AHNAK: variants seen among roughly 807,000 people sequenced by gnomAD.
AHNAK encodes AHNAK nucleoprotein.
AHNAK carries 23 observed loss-of-function variants against 37.8 expected under a neutral mutation model. The observed-to-expected ratio is 0.61, with a 90% confidence interval of 0.44 to 0.86. AHNAK has a LOEUF of 0.86. AHNAK is among the 40% of genes least tolerant of loss of function. AHNAK has a pLI of 0.00. For missense variants in AHNAK, 7,411 were observed against 7,319.4 expected, an observed-to-expected ratio of 1.01 and a Z score of -0.46; for synonymous variants, 2,481 against 2,636.3, an observed-to-expected ratio of 0.94 and a Z score of 1.80.
intron 4 of AHNAK, among the ~76,000 whole-genome samples, chr11:62,496,989 T>C (rs1040126226): frequency 3.3e-5 from 5 of 152,108 alleles, no homozygotes; most frequent in African/African-American, 1.2e-4. Context: ...AGGAATTAAA[T>C]GGTATAAAAT....
At chr11:62,467,337 T>C (rs1363392057) in intron 5 of AHNAK, among the ~76,000 whole-genome samples, 1 of 152,150 alleles carries the variant, frequency 6.6e-6, no homozygotes, top group East Asian at 1.9e-4. Context: ...GTATACCCTA[T>C]AAATGCCTTA....
Position 62,532,710 on chromosome 11 carries a change from G to A in AHNAK, c.1707C>T (p.Ile569=). Residue 569 remains isoleucine (I), a synonymous_variant, in exon 5 of 5, where the codon ATC becomes ATT. Transcript: ENST00000378024. Reference sequence around the variant, plus strand: ...CATTTAAGTCTACTTCTGACATAGAGATCCTACAGGTTCCGGTTTTCCCGG... The same window carrying A: ...CATTTAAGTCTACTTCTGACATAGAAATCCTACAGGTTCCGGTTTTCCCGG... ...SPSGKTGTCR[I]SMSEVDLNVA... The A allele has an allele frequency of 1.2e-6, 2 of 1,613,962 alleles. No homozygotes were observed. The highest frequency in any genetic ancestry group is 1.7e-6 in the Non-Finnish European group (2 of 1,179,978).
intron 5 of AHNAK, among the ~76,000 whole-genome samples, chr11:62,486,261 G>A (rs900943920): frequency 2.0e-5 from 3 of 151,900 alleles, no homozygotes; most frequent in South Asian, 2.1e-4. Context: ...GATCACCTGC[G>A]GTCAGGAGTT....
chr11:62,488,411 T>C (rs1939436398), intron 5 of AHNAK, among the ~76,000 whole-genome samples: 1 of 151,812 alleles, frequency 6.6e-6, no homozygotes, highest in South Asian at 2.1e-4. Flanking sequence ...GCTTTTTTTT[T>C]TTTTTCCAAG....
chr11:62,519,757 C>T lies in AHNAK; in HGVS notation c.14660G>A (p.Gly4887Asp). Residue 4887 changes from glycine to aspartate, a missense_variant, in exon 5 of 5, where the codon GGT (glycine) becomes GAT (aspartate). By Grantham distance (94) the Gly-to-Asp change is moderately conservative (BLOSUM62 -1). Transcript: ENST00000378024. The stretch of plus-strand genomic sequence containing the variant: ...AGGGCCTTCGAAATCCAGACGTGGA[C>T]CTTTAAGATCTACTTCTGGGCCTTT... Reference protein sequence around the residue: ...TLKGPEVDLKGPRLDFEGPDA... With the variant: ...TLKGPEVDLKDPRLDFEGPDA... The T allele has an allele frequency of 6.2e-7, 1 of 1,613,124 alleles. No homozygotes were observed. The highest frequency in any genetic ancestry group is 8.5e-7 in the Non-Finnish European group (1 of 1,179,524).
At position 62,532,960 on chromosome 11, in the gene AHNAK, G is replaced by A; in HGVS notation, c.1457C>T (p.Thr486Ile). The change falls in exon 5 of 5, where the codon ACT becomes ATT. Residue 486 changes from threonine (T) to isoleucine (I), a missense_variant. Transcript: ENST00000378024. ...AATCATTTCAGGAGTCTTCACTTTA[G>A]TACCTTTCATCTTTCCTTCCAGCCC... is the stretch of plus-strand genomic sequence containing the variant. ...TGGLEGKMKG[T>I]KVKTPEMIIQ... 3.1e-6 allele frequency: 5 copies of A among 1,614,122 alleles called. No individual in the cohort carries two copies. Among genetic ancestry groups the A allele is most frequent in the Non-Finnish European group, 4.2e-6 (5 of 1,180,024 alleles).
chr11:62,531,791 T>C lies in AHNAK; in HGVS notation c.2626A>G (p.Lys876Glu), dbSNP rs1477443073. ...VEVQGPDWHLKMPKMKMPKFS... is the reference protein window; with the variant it reads ...VEVQGPDWHLEMPKMKMPKFS... ...TTGGGCATTTTCATCTTGGGCATCT[T>C]CAGGTGCCAGTCTGGGCCTTGAACC... The change falls in exon 5 of 5, where the codon AAG becomes GAG. Residue 876 changes from lysine (K) to glutamate (E), a missense_variant. Lys to Glu is a moderately conservative substitution (Grantham distance 56). Coordinates refer to ENST00000378024, the MANE Select transcript of AHNAK (RefSeq NM_001620.3). The C allele has an allele frequency of 8.1e-6, 13 of 1,613,490 alleles. No homozygotes were observed. Among genetic ancestry groups the C allele is most frequent in the Non-Finnish European group, 1.1e-5 (13 of 1,179,972 alleles).
intron 5 of AHNAK, among the ~76,000 whole-genome samples, chr11:62,435,102 GCC>G (rs1162189332): frequency 2.0e-5 from 3 of 151,914 alleles, no homozygotes; most frequent in Admixed American, 6.6e-5. Flanking sequence ...ACTACCTCCT[GCC>G]CTCCCCCTAA....
In AHNAK at chr11:62,517,694, C is replaced by G; in HGVS notation, c.16723G>C (p.Gly5575Arg). Residue 5575 changes from glycine (G) to arginine (R), a missense_variant, in exon 5 of 5, where the codon GGT (glycine) becomes CGT (arginine). Gly to Arg is a moderately radical substitution (Grantham distance 125). Coordinates refer to ENST00000378024, the MANE Select transcript of AHNAK (RefSeq NM_001620.3). ...KIKGGADVSG[G>R]VSAPDISLGE... ...AGGCTGATGTCTGGGGCACTGACAC[C>G]CCCTGAAACATCCGCACCTCCTTTG... 6.2e-7 allele frequency: 1 copy of G among 1,614,156 alleles called. No individual in the cohort carries two copies. Among genetic ancestry groups the G allele is most frequent in the Non-Finnish European group, 8.5e-7 (1 of 1,180,032 alleles).
rs1451700174 is a variant in AHNAK, at chr11:62,519,422, T to C, written c.14995A>G (p.Thr4999Ala). The C allele has an allele frequency of 1.1e-5, 18 of 1,611,970 alleles. No individual in the cohort carries two copies. Among genetic ancestry groups the C allele is most frequent in the Non-Finnish European group, 1.5e-5 (18 of 1,179,094 alleles). ...ADIKSPSLDV[T>A]VPEAELNLET... is the part of the protein sequence containing the mutation. ...AGGTTCAGCTCTGCCTCAGGAACAGTGACATCCAGTGAAGGTGACTTGATG... is the reference window on the plus strand; with the variant it reads ...AGGTTCAGCTCTGCCTCAGGAACAGCGACATCCAGTGAAGGTGACTTGATG... Residue 4999 changes from threonine (T) to alanine (A), a missense_variant, in exon 5 of 5, where the codon ACT becomes GCT. Thr to Ala is a moderately conservative substitution (Grantham distance 58). Transcript: ENST00000378024.
At chr11:62,504,637 G>T (rs1939775410) in intron 4 of AHNAK, among the ~76,000 whole-genome samples, 1 of 151,900 alleles carries the variant, frequency 6.6e-6, no homozygotes, top group Admixed American at 6.6e-5. Flanking sequence ...CCCTTGAGGA[G>T]ACCACACACC....
exon 6 of AHNAK, chr11:62,433,721 A>T (rs1009455852): frequency 5.7e-6 from 5 of 881,860 alleles, no homozygotes; most frequent in Admixed American, 4.6e-5. Flanking sequence ...GGAGCTATAA[A>T]CATGCATGCT....
intron 4 of AHNAK, among the ~76,000 whole-genome samples, chr11:62,499,819 A>G (rs536259258): frequency 6.6e-6 from 1 of 152,356 alleles, no homozygotes; most frequent in East Asian, 1.9e-4. Flanking sequence ...AAGTGGAAGG[A>G]AGTCCATGTA....
chr11:62,500,221 G>C (rs151099720), intron 4 of AHNAK, among the ~76,000 whole-genome samples: 4 of 152,280 alleles, frequency 2.6e-5, no homozygotes, highest in African/African-American at 9.6e-5. Flanking sequence ...CTCACAAAAC[G>C]AGGACCGTAG....
chr11:62,545,763 G>A (rs1049608249), intron 1 of AHNAK: 22 of 152,624 alleles, frequency 1.4e-4, no homozygotes, highest in African/African-American at 5.1e-4. Flanking sequence ...CTGAGTTCTG[G>A]TTTGAATTAG....
chr11:62,544,071 C>T (rs1266190795), intron 1 of AHNAK, among the ~76,000 whole-genome samples: 2 of 152,182 alleles, frequency 1.3e-5, no homozygotes, highest in African/African-American at 4.8e-5. Flanking sequence ...GCCCCAACCC[C>T]TCAAACCAGC....
At chr11:62,512,300 C>CA (rs1327366997), downstream of AHNAK, among the ~76,000 whole-genome samples, 1 of 152,234 alleles carries the variant, frequency 6.6e-6, no homozygotes, top group African/African-American at 2.4e-5. The surrounding 1 kb of genome is among the most constrained non-coding windows in gnomAD (Gnocchi z 4.0). Flanking sequence ...CTCCCTGCTT[C>CA]ACACGGCAGG....
Position 62,524,170 on chromosome 11 carries a change from G to A in AHNAK, c.10247C>T (p.Ser3416Phe), listed in dbSNP as rs759345932. Residue 3416 changes from serine to phenylalanine, a missense_variant, in exon 5 of 5, where the codon TCT becomes TTT. Ser to Phe is a radical substitution (Grantham distance 155). Transcript: ENST00000378024. Reference sequence around the variant, plus strand: ...CAAATTTAGCTCCACGTCAGGCATAGAAACTTTGGGAGATGAAATACTCAG... The same window carrying A: ...CAAATTTAGCTCCACGTCAGGCATAAAAACTTTGGGAGATGAAATACTCAG... ...PFLSISSPKV[S>F]MPDVELNLKS... The A allele has an allele frequency of 3.7e-6, 6 of 1,613,922 alleles. No individual in the cohort carries two copies. Among genetic ancestry groups the A allele is most frequent in the African/African-American group, 1.3e-5 (1 of 74,900 alleles).
intron 5 of AHNAK, among the ~76,000 whole-genome samples, chr11:62,490,435 G>A (rs765981825): frequency 2.0e-5 from 3 of 151,880 alleles, no homozygotes; most frequent in African/African-American, 4.8e-5. Context: ...TCCTGACCTC[G>A]TGATCCTCCT....
Sources: gnomAD v4.1 joint callset for allele counts (sites outside exome capture counted in the v4.1 genomes callset) on GRCh38, gnomAD v4.1.1 for gene constraint, Gnocchi (gnomAD v3.1) non-coding constraint, MANE v1.5 for transcripts, NCBI Gene and HGNC (gene_info 2026-07-23, HGNC 2026-07-21) for gene names.